The following PARD3B variants were observed in gnomAD, a reference collection of about 807,000 sequenced individuals.
The protein encoded by PARD3B is par-3 family cell polarity regulator beta.
A neutral mutation model predicts 130.2 loss-of-function variants in PARD3B; 103 were observed. The ratio of observed to expected loss-of-function variants is 0.79; its 90% CI spans 0.67 to 0.93. The LOEUF (loss-of-function observed/expected upper bound fraction) is 0.93. PARD3B is among the 40% of genes least tolerant of loss of function. PARD3B has a pLI of 0.00. For synonymous variants in PARD3B, 583 were observed against 553.2 expected (o/e 1.05, Z -0.76); for missense variants, 1,609 against 1,499.2 (o/e 1.07, Z -1.21).
chr2:205,316,490 A>C (rs1355824678), intron 18 of PARD3B, among the ~76,000 whole-genome samples: 1 of 152,232 alleles, frequency 6.6e-6, no homozygotes, highest in Non-Finnish European at 1.5e-5. Context: ...AGATTTGCCA[A>C]TCAGCTCATT....
chr2:205,206,722 G>A (rs186549657), intron 15 of PARD3B, among the ~76,000 whole-genome samples: 42 of 152,096 alleles, frequency 2.8e-4, no homozygotes, highest in African/African-American at 9.4e-4. Context: ...AGTCCTTTGG[G>A]TATATACCCA....
chr2:204,625,003 T>A (rs1180311793), intron 1 of PARD3B, among the ~76,000 whole-genome samples: 1 of 152,166 alleles, frequency 6.6e-6, no homozygotes, highest in Non-Finnish European at 1.5e-5. Context: ...GAACCTTTTT[T>A]TGTGTACTGA....
chr2:204,933,287 G>C (rs1230403307), intron 2 of PARD3B, among the ~76,000 whole-genome samples: 1 of 152,166 alleles, frequency 6.6e-6, no homozygotes, highest in Non-Finnish European at 1.5e-5. Flanking sequence ...TGAAAATTGT[G>C]TGTGGATGTA....
At chr2:204,805,478 A>C (rs575684158) in intron 2 of PARD3B, among the ~76,000 whole-genome samples, 10 of 152,236 alleles carry the variant, frequency 6.6e-5, no homozygotes, top group African/African-American at 1.9e-4. Context: ...ACTGAATTTC[A>C]CCAAACATTT....
chr2:204,603,287 A>T (rs2033586837), intron 1 of PARD3B, among the ~76,000 whole-genome samples: 1 of 152,106 alleles, frequency 6.6e-6, no homozygotes, highest in Non-Finnish European at 1.5e-5. Flanking sequence ...TCTGGATCTG[A>T]CTTCCTAATA....
chr2:205,489,551 T>TATATACGTATATATAC (rs1553524259), intron 20 of PARD3B, among the ~76,000 whole-genome samples: 2 of 138,490 alleles, frequency 1.4e-5, no homozygotes, highest in Admixed American at 1.5e-4. Context: ...TATATATGTA[T>TATATACGTATATATAC]ATATATACAT....
intron 22 of PARD3B, among the ~76,000 whole-genome samples, chr2:205,560,062 T>C (rs2053072557): frequency 6.6e-6 from 1 of 152,102 alleles, no homozygotes; most frequent in Admixed American, 6.5e-5. Flanking sequence ...CAGAGAGAGG[T>C]TAAATAAACT....
At chr2:204,875,557 C>T (rs2045808929) in intron 2 of PARD3B, among the ~76,000 whole-genome samples, 2 of 152,160 alleles carry the variant, frequency 1.3e-5, no homozygotes, top group Admixed American at 6.5e-5. Context: ...CATGCCCACA[C>T]TGCCAGCCTG....
intron 19 of PARD3B, among the ~76,000 whole-genome samples, chr2:205,423,075 C>A (rs954456468): frequency 6.6e-6 from 1 of 152,176 alleles, no homozygotes; most frequent in African/African-American, 2.4e-5. Context: ...GGAATGAGGT[C>A]ATTCCTGGTA....
intron 19 of PARD3B, among the ~76,000 whole-genome samples, chr2:205,437,829 A>G (rs536848540): frequency 6.6e-6 from 1 of 152,214 alleles, no homozygotes; most frequent in Non-Finnish European, 1.5e-5. Context: ...GTACCGTCAA[A>G]TAAAAAAGGG....
intron 3 of PARD3B, among the ~76,000 whole-genome samples, chr2:204,994,976 C>G (rs1243013459): frequency 3.3e-5 from 5 of 150,906 alleles, no homozygotes; most frequent in Admixed American, 2.0e-4. Context: ...ATGTGTGTCT[C>G]TGCACGTGAG....
intron 4 of PARD3B, among the ~76,000 whole-genome samples, chr2:205,090,601 CTCAG>C (rs1403758842): frequency 2.6e-5 from 4 of 152,182 alleles, no homozygotes; most frequent in Middle Eastern, 3.2e-3. Flanking sequence ...GGTTTACTCA[CTCAG>C]TCAGTTAATA....
At chr2:205,042,520 A>G (rs899092594) in intron 3 of PARD3B, among the ~76,000 whole-genome samples, 2 of 152,044 alleles carry the variant, frequency 1.3e-5, no homozygotes, top group African/African-American at 4.8e-5. Flanking sequence ...GTGAGGACAT[A>G]GTCACCAGCA....
Position 205,581,255 on chromosome 2 carries a change from T to TAGATAGATAG in PARD3B, c.3260+27853_3260+27854insGATAGATAGA, listed in dbSNP as rs749729693. Among the ~76,000 whole-genome samples the TAGATAGATAG allele has an allele frequency of 1.6e-3, 222 of 135,994 alleles. 2 individuals carry two copies. The East Asian group carries it at 0.042, about 26-fold the overall frequency. 89.2% of individuals were successfully genotyped at this position (135,994 alleles called of 152,430 possible). A position where few individuals can be genotyped will look rare whatever the true frequency, so the allele number is the denominator to read the frequency against. On this transcript the variant is annotated intron_variant, in intron 22 of 22. Coordinates refer to ENST00000406610, the MANE Select transcript of PARD3B (RefSeq NM_001302769.2). ...AGATATATATAGATATATATAGATA[T>TAGATAGATAG]ATATAGATATAGATAGATAGATATA...
intron 2 of PARD3B, among the ~76,000 whole-genome samples, chr2:204,738,019 T>A (rs761229434): frequency 6.6e-6 from 1 of 152,184 alleles, no homozygotes; most frequent in Non-Finnish European, 1.5e-5. Flanking sequence ...CCAGATTTGT[T>A]CAAAAACTTT....
At chr2:205,214,017 C>T (rs961903295) in intron 15 of PARD3B, among the ~76,000 whole-genome samples, 1 of 152,022 alleles carries the variant, frequency 6.6e-6, no homozygotes, top group African/African-American at 2.4e-5. Context: ...GTGGCCCCTC[C>T]TAGTCTTCTG....
Position 205,057,549 on chromosome 2 carries a change from A to ATGTG in PARD3B, c.504+9860_504+9861insGTGT, listed in dbSNP as rs1356288790. ...TATATATACATATATGTATATGTGTATATGTATATATACATATATGTATAT... is the reference window on the plus strand; with the variant it reads ...TATATATACATATATGTATATGTGTATGTGTATGTATATATACATATATGTATAT... On this transcript the variant is annotated intron_variant, in intron 4 of 22. Coordinates refer to ENST00000406610, the MANE Select transcript of PARD3B (RefSeq NM_001302769.2). 1.2e-3 allele frequency among the ~76,000 whole-genome samples: 178 copies of ATGTG among 146,286 alleles called. 5 individuals carry two copies. Among genetic ancestry groups the ATGTG allele is most frequent in the African/African-American group, 4.2e-3 (166 of 39,862 alleles).
intron 19 of PARD3B, among the ~76,000 whole-genome samples, chr2:205,417,114 G>A (rs1317080568): frequency 5.7e-5 from 7 of 123,762 alleles, no homozygotes; most frequent in African/African-American, 1.9e-4. Context: ...AGTGTGTGAT[G>A]TTCCCCACCC....
chr2:205,550,964 T>TAC lies in PARD3B; in HGVS notation c.3181-2359_3181-2358insCA, dbSNP rs2052610998. ...GTGTATATATATATGTGTATATATA[T>TAC]ATATATATATATACACACACACACA... On this transcript the variant is annotated intron_variant, in intron 21 of 22. Transcript: ENST00000406610. The surrounding 1 kb of genome is among the most constrained non-coding windows in gnomAD (Gnocchi z 4.5). Among the ~76,000 whole-genome samples the TAC allele has an allele frequency of 9.0e-6, 1 of 111,306 alleles. No homozygotes were observed. The highest frequency in any genetic ancestry group is 9.0e-5 in the Admixed American group (1 of 11,078). The allele number at this position is 111,306 out of a possible 152,430, so 73.0% of individuals were successfully genotyped here. A position where few individuals can be genotyped will look rare whatever the true frequency, so the allele number is the denominator to read the frequency against.
Sources: gnomAD v4.1 joint callset for allele counts (sites outside exome capture counted in the v4.1 genomes callset) on GRCh38, gnomAD v4.1.1 for gene constraint, Gnocchi (gnomAD v3.1) non-coding constraint, MANE v1.5 for transcripts, NCBI Gene and HGNC (gene_info 2026-07-23, HGNC 2026-07-21) for gene names.